Variants in HTR3E observed in about 807,000 individuals in gnomAD.
The protein encoded by HTR3E is 5-hydroxytryptamine (serotonin) receptor 3, family member E.
Under a neutral mutation model 38.0 loss-of-function variants are expected in HTR3E, and 38 were observed. The ratio of observed to expected loss-of-function variants is 1.00; its 90% CI spans 0.77 to 1.31. The LOEUF is 1.31. Ranked by LOEUF, HTR3E falls within the 50% of genes most tolerant of loss-of-function variation. HTR3E has a pLI of 0.00. For missense variants in HTR3E, 547 were observed against 585.2 expected (o/e 0.93, Z 0.67); for synonymous variants, 210 against 232.9 (o/e 0.90, Z 0.89).
rs754509192 is a variant in HTR3E, at chr3:184,105,957, AC to A, written c.919del (p.Leu307SerfsTer12). On this transcript the variant is annotated frameshift_variant, in exon 7 of 9. Transcript: ENST00000415389. LOFTEE classifies it high-confidence loss of function. ...MMSDLLPTSG[T>X]PLIGVYFALC... ...GAGTGACTTGCTCCCCACCAGTGGC[AC>A]CCCCCTCATCGGTATGGCTCCTCCC... 2.5e-6 allele frequency: 4 copies of A among 1,613,388 alleles called. No homozygotes were observed. In the African/African-American group the frequency reaches 4.0e-5, roughly 16 times the overall value.
In HTR3E at chr3:184,106,279, A is replaced by ATGCT. The variant is rs1430455346; in HGVS notation, c.1078_1081dup (p.Cys361LeufsTer11). On this transcript the variant is annotated frameshift_variant, in exon 8 of 9. Coordinates refer to ENST00000415389, the MANE Select transcript of HTR3E (RefSeq NM_001256613.2). LOFTEE classifies it high-confidence loss of function. The surrounding 1 kb of genome is among the most constrained non-coding windows in gnomAD (Gnocchi z 4.1). ...TGCTCCACTGCAACAGCCCGGGGAG[A>ATGCT]TGCTGTCCCACTGCGCCCCAGAAGG... 6.2e-7 allele frequency: 1 copy of ATGCT among 1,612,588 alleles called. No homozygotes were observed. The highest frequency in any genetic ancestry group is 8.5e-7 in the Non-Finnish European group (1 of 1,179,908).
rs760313380 is a variant in HTR3E at position 184,106,438 on chromosome 3, A to G, written c.1142-26A>G. On this transcript the variant is annotated intron_variant, in intron 8 of 8. Transcript: ENST00000415389. This position sits in a 1 kb window ranked among gnomAD's most constrained non-coding sequence, Gnocchi z 4.1. ...CCTCCACAGGTGACATTTGCAGCCC[A>G]TGGCTGAGTCTCTGTCTTTCTGTAG... 1.3e-6 allele frequency: 2 copies of G among 1,561,156 alleles called. No individual in the cohort carries two copies. Among genetic ancestry groups the G allele is most frequent in the East Asian group, 2.3e-5 (1 of 43,396 alleles).
chr3:184,099,271 C>T (rs1040504755), intron 1 of HTR3E, among the ~76,000 whole-genome samples: 6 of 149,808 alleles, frequency 4.0e-5, no homozygotes, highest in Non-Finnish European at 4.4e-5. Context: ...TGGTGGGGAA[C>T]GCCTGTAGTC....
intron 1 of HTR3E, among the ~76,000 whole-genome samples, chr3:184,099,598 C>T (rs893541550): frequency 8.6e-5 from 13 of 150,450 alleles, no homozygotes; most frequent in African/African-American, 3.2e-4. Flanking sequence ...CCTGTAGTCC[C>T]AGCTACTCGG....
rs1027561470 is a variant in HTR3E at position 184,097,317 on chromosome 3, C to G, written c.-213C>G. 5.6e-6 allele frequency: 3 copies of G among 540,140 alleles called. No homozygotes were observed. In the African/African-American group the frequency reaches 5.7e-5, roughly 10 times the overall value. The allele number at this position is 540,140 out of a possible 1,614,324, so 33.5% of individuals were successfully genotyped here. A position where few individuals can be genotyped will look rare whatever the true frequency, so the allele number is the denominator to read the frequency against. On this transcript the variant is annotated 5_prime_UTR_variant, in exon 1 of 9. Transcript: ENST00000415389. Reference sequence around the variant, plus strand: ...AACCATTTACGTTGCAGTGAAATACCTAAGACTAAGATAAAGTCTTAAAAG... The same window carrying G: ...AACCATTTACGTTGCAGTGAAATACGTAAGACTAAGATAAAGTCTTAAAAG...
chr3:184,104,242 A>G lies in HTR3E; in HGVS notation c.340A>G (p.Ser114Gly). Residue 114 changes from serine to glycine, a missense_variant, in exon 4 of 9, where the codon AGT becomes GGT. By Grantham distance (56) the Ser-to-Gly change is moderately conservative. Coordinates refer to ENST00000415389, the MANE Select transcript of HTR3E (RefSeq NM_001256613.2). ...GGAATGTGAGGGCATCACGAAGATG[A>G]GTATGGCAGCCAAGAACCTGTGGCT... ...PEECEGITKM[S>G]MAAKNLWLPD... 2 of 1,613,582 alleles carry G rather than the reference A, an allele frequency of 1.2e-6. No individual in the cohort carries two copies. The highest frequency in any genetic ancestry group is 2.2e-5 in the South Asian group (2 of 90,984).
At chr3:184,098,534 T>G (rs965282259) in intron 1 of HTR3E, among the ~76,000 whole-genome samples, 14 of 152,168 alleles carry the variant, frequency 9.2e-5, no homozygotes, top group African/African-American at 3.1e-4. Flanking sequence ...TAAATGGTTA[T>G]GAAAGCTCCT....
In HTR3E at chr3:184,106,584, T is replaced by C. The variant is rs1001144894; in HGVS notation, c.1262T>C (p.Val421Ala). Reference protein sequence around the residue: ...REHEAQKQHSVELWLQFSHAM... With the variant: ...REHEAQKQHSAELWLQFSHAM... ...CACGAGGCCCAGAAGCAGCACTCAGTGGAGCTGTGGTTGCAGTTCAGCCAC... is the reference window on the plus strand; with the variant it reads ...CACGAGGCCCAGAAGCAGCACTCAGCGGAGCTGTGGTTGCAGTTCAGCCAC... Residue 421 changes from valine to alanine, a missense_variant, in exon 9 of 9, where the codon GTG becomes GCG. Physicochemically the swap from Val to Ala is moderately conservative, Grantham distance 64. Transcript: ENST00000415389. The surrounding 1 kb of genome is among the most constrained non-coding windows in gnomAD (Gnocchi z 4.1). The C allele has an allele frequency of 6.2e-7, 1 of 1,614,174 alleles. No individual in the cohort carries two copies. Among genetic ancestry groups the C allele is most frequent in the Non-Finnish European group, 8.5e-7 (1 of 1,180,022 alleles).
chr3:184,101,963 C>A (rs948052828), intron 3 of HTR3E, among the ~76,000 whole-genome samples: 1 of 152,248 alleles, frequency 6.6e-6, no homozygotes, highest in Non-Finnish European at 1.5e-5. Context: ...GCGCTCCAGG[C>A]TGAGCAACAG....
In HTR3E at chr3:184,106,738, C is replaced by G; in HGVS notation, c.*45C>G. 3.1e-6 allele frequency: 5 copies of G among 1,598,776 alleles called. No homozygotes were observed. Among genetic ancestry groups the G allele is most frequent in the Non-Finnish European group, 4.3e-6 (5 of 1,168,940 alleles). On this transcript the variant is annotated 3_prime_UTR_variant, in exon 9 of 9. Coordinates refer to ENST00000415389, the MANE Select transcript of HTR3E (RefSeq NM_001256613.2). The surrounding 1 kb of genome is among the most constrained non-coding windows in gnomAD (Gnocchi z 4.1). ...CTTCAGTCTGGAGCTTCTCTTGCCTCCAGGGACTGGCCAGGTCTCCCCCCT... is the reference window on the plus strand; with the variant it reads ...CTTCAGTCTGGAGCTTCTCTTGCCTGCAGGGACTGGCCAGGTCTCCCCCCT...
At chr3:184,097,658 C>A in intron 1 of HTR3E, 62 bp downstream of exon 1, 1 of 1,284,904 alleles carries the variant, frequency 7.8e-7, no homozygotes. Flanking sequence ...AGTAGAACAT[C>A]TAGGAACTTT....
intron 6 of HTR3E, 29 bp from the exon 7 acceptor site, chr3:184,105,736 C>A: frequency 6.4e-7 from 1 of 1,562,438 alleles, no homozygotes; most frequent in Non-Finnish European, 8.8e-7. Context: ...GACCCCATAA[C>A]TACTTACCAC....
intron 3 of HTR3E, among the ~76,000 whole-genome samples, chr3:184,103,973 G>T (rs991568566): frequency 2.6e-5 from 4 of 151,648 alleles, no homozygotes; most frequent in East Asian, 1.9e-4. Context: ...TCCCAGGCAG[G>T]TTCGATTTTA....
chr3:184,105,500 T>G, intron 6 of HTR3E, 73 bp downstream of exon 6: 1 of 1,489,408 alleles, frequency 6.7e-7, no homozygotes, highest in Non-Finnish European at 9.1e-7. Flanking sequence ...ATCAAATATG[T>G]ATCTCCCAAG....
Position 184,106,315 on chromosome 3 carries a change from C to T in HTR3E, c.1113C>T (p.Gly371=). ...CTGCGCCCCAGAAGGAAAATAAGGG[C>T]CCGGGTCTCACCCCCACCCACCTGC... ...CPTAPQKENK[G]PGLTPTHLPG... The change falls in exon 8 of 9, where the codon GGC becomes GGT. Residue 371 remains glycine, a synonymous_variant. Transcript: ENST00000415389. The surrounding 1 kb of genome is among the most constrained non-coding windows in gnomAD (Gnocchi z 4.1). 3.7e-6 allele frequency: 6 copies of T among 1,613,058 alleles called. No homozygotes were observed. The highest frequency in any genetic ancestry group is 2.2e-5 in the East Asian group (1 of 44,844).
At chr3:184,098,947 G>A (rs1414539059) in intron 1 of HTR3E, among the ~76,000 whole-genome samples, 1 of 152,080 alleles carries the variant, frequency 6.6e-6, no homozygotes, top group African/African-American at 2.4e-5. Flanking sequence ...GGAGGCTGAG[G>A]CAGAAGAATC....
intron 2 of HTR3E, among the ~76,000 whole-genome samples, chr3:184,101,207 C>A (rs1409511073): frequency 6.6e-6 from 1 of 152,002 alleles, no homozygotes; most frequent in African/African-American, 2.4e-5. Context: ...GCCTCCCAGG[C>A]ATTACAGGCA....
chr3:184,102,835 G>GA (rs1400974504), intron 3 of HTR3E, among the ~76,000 whole-genome samples: 2 of 151,730 alleles, frequency 1.3e-5, no homozygotes, highest in African/African-American at 4.8e-5. Context: ...TGAGGCACAA[G>GA]AATCGCTTGA....
intron 3 of HTR3E, among the ~76,000 whole-genome samples, 192 bp downstream of exon 3, chr3:184,101,721 G>A (rs1476743361): frequency 6.6e-6 from 1 of 152,246 alleles, no homozygotes; most frequent in Non-Finnish European, 1.5e-5. Context: ...GGGCACGGGT[G>A]GCTCACGCCT....
Sources: allele counts gnomAD v4.1 joint callset (sites outside exome capture counted in the v4.1 genomes callset), GRCh38; gene constraint gnomAD v4.1.1; non-coding constraint Gnocchi (gnomAD v3.1); transcripts MANE v1.5; gene names NCBI Gene and HGNC (gene_info 2026-07-23, HGNC 2026-07-21).